The following ROBO2 variants were observed in gnomAD, a reference collection of about 807,000 sequenced individuals.
ROBO2 encodes the protein roundabout homolog 2.
In ROBO2, 53 loss-of-function variants were observed where a neutral mutation model predicts 160.8. The ratio of observed to expected loss-of-function variants is 0.33; its 90% CI spans 0.26 to 0.41. The LOEUF is 0.41. Ranked by LOEUF, ROBO2 falls within the 10% of genes least tolerant of loss-of-function variation. ROBO2 has a pLI of 1.00. For missense variants in ROBO2, 1,577 were observed against 1,722.4 expected (o/e 0.92, Z 1.49); for synonymous variants, 664 against 611.7 (o/e 1.09, Z -1.26).
At chr3:76,258,252 T>C in intron 2 of ROBO2, among the ~76,000 whole-genome samples, 1 of 152,176 alleles carries the variant, frequency 6.6e-6, no homozygotes, top group South Asian at 2.1e-4. Context: ...CTTTAATCTG[T>C]ATATTTGATA....
chr3:76,261,004 A>G (rs559705739), intron 2 of ROBO2, among the ~76,000 whole-genome samples: 2 of 152,150 alleles, frequency 1.3e-5, no homozygotes, highest in East Asian at 3.9e-4. Flanking sequence ...AATTTTTGCA[A>G]CGTACTGTAG....
At chr3:76,996,627 T>G (rs558035824) in intron 2 of ROBO2, among the ~76,000 whole-genome samples, 2 of 152,288 alleles carry the variant, frequency 1.3e-5, no homozygotes, top group African/African-American at 4.8e-5. Context: ...TTTTTTTCAT[T>G]GAGCAGTGGT....
intron 2 of ROBO2, among the ~76,000 whole-genome samples, chr3:77,143,820 T>C (rs187826222): frequency 3.2e-4 from 48 of 152,294 alleles, no homozygotes; most frequent in African/African-American, 9.9e-4. Flanking sequence ...TTTTTTCATA[T>C]TTTTTAGTAT....
At chr3:77,563,203 G>A in exon 11 of ROBO2, 1 of 1,613,438 alleles carries the variant, frequency 6.2e-7, no homozygotes, top group Non-Finnish European at 8.5e-7. Context: ...TATGATTTAA[G>A]TGACCTGCCA....
intron 2 of ROBO2, among the ~76,000 whole-genome samples, chr3:76,157,713 A>T (rs114076101): frequency 1.1e-3 from 174 of 151,998 alleles, no homozygotes; most frequent in African/African-American, 3.8e-3. Flanking sequence ...ACAGTGTTAT[A>T]AAAAAAAGCA....
At chr3:75,921,300 G>A (rs1300731765) in intron 1 of ROBO2, among the ~76,000 whole-genome samples, 1 of 151,066 alleles carries the variant, frequency 6.6e-6, no homozygotes, top group Non-Finnish European at 1.5e-5. Context: ...AGCTTAGTTT[G>A]GCTGGTTATG....
chr3:76,287,598 C>A (rs1307290839), intron 2 of ROBO2, among the ~76,000 whole-genome samples: 1 of 152,298 alleles, frequency 6.6e-6, no homozygotes, highest in East Asian at 1.9e-4. Flanking sequence ...CCGTGCCCGG[C>A]CCTTTTCTTA....
chr3:77,205,423 G>C (rs780021009), intron 2 of ROBO2, among the ~76,000 whole-genome samples: 5 of 151,874 alleles, frequency 3.3e-5, no homozygotes, highest in African/African-American at 1.2e-4. Flanking sequence ...CTGCCGTGCC[G>C]TTCTGCTGTT....
chr3:76,746,087 G>A (rs547636979), intron 2 of ROBO2, among the ~76,000 whole-genome samples: 14 of 149,116 alleles, frequency 9.4e-5, no homozygotes, highest in Non-Finnish European at 2.1e-4. Context: ...TACAGTGTTT[G>A]GTTTTTTGTT....
intron 2 of ROBO2, among the ~76,000 whole-genome samples, chr3:76,825,373 A>C (rs2066475534): frequency 6.6e-6 from 1 of 152,176 alleles, no homozygotes; most frequent in Non-Finnish European, 1.5e-5. Flanking sequence ...GAATGAGATG[A>C]AAAAAGTTTA....
chr3:77,317,157 C>A, intron 2 of ROBO2: 1 of 1,022,952 alleles, frequency 9.8e-7, no homozygotes, highest in Non-Finnish European at 1.6e-6. Context: ...TGGTACCCAG[C>A]CAGCCAGCCC....
chr3:77,098,287 C>T lies in ROBO2; in HGVS notation c.335C>T (p.Ala112Val), dbSNP rs780623744. Residue 112 changes from alanine to valine, a missense_variant, in exon 2 of 26, where the codon GCG (alanine) becomes GTG (valine). Physicochemically the swap from Ala to Val is moderately conservative, Grantham distance 64. This residue lies in a region of ROBO2 where 940 missense variants were observed against 1,135.5 expected (regional missense o/e 0.83). Transcript: ENST00000461745. Reference sequence around the variant, plus strand: ...GATGAAGGAAGCTACGTTTGTGTTGCGAGGAACTATCTTGGTGAAGCAGTG... The same window carrying T: ...GATGAAGGAAGCTACGTTTGTGTTGTGAGGAACTATCTTGGTGAAGCAGTG... 15 of 1,614,052 alleles carry T rather than the reference C, an allele frequency of 9.3e-6. No individual in the cohort carries two copies. The Admixed American group carries it at 1.8e-4, about 20-fold the overall frequency.
intron 2 of ROBO2, among the ~76,000 whole-genome samples, chr3:77,459,321 A>C (rs2082000006): frequency 6.6e-6 from 1 of 152,234 alleles, no homozygotes; most frequent in Admixed American, 6.5e-5. Flanking sequence ...AATTAGACCA[A>C]TATAAGGAAC....
intron 2 of ROBO2, among the ~76,000 whole-genome samples, chr3:76,897,989 A>G (rs956808283): frequency 3.3e-5 from 5 of 152,116 alleles, no homozygotes; most frequent in African/African-American, 9.7e-5. Context: ...TTTCTAAAGT[A>G]TATTTTCATG....
intron 2 of ROBO2, among the ~76,000 whole-genome samples, chr3:77,402,675 A>G (rs1037262497): frequency 6.6e-6 from 1 of 151,810 alleles, no homozygotes; most frequent in Admixed American, 6.6e-5. Context: ...CGTGTGTACA[A>G]CTCCAGTAAA....
At chr3:76,429,413 T>C (rs956234936) in intron 2 of ROBO2, among the ~76,000 whole-genome samples, 8 of 152,182 alleles carry the variant, frequency 5.3e-5, no homozygotes, top group Admixed American at 5.2e-4. Context: ...TTAGAACAAT[T>C]CCTAGTGCTA....
chr3:76,337,458 C>A (rs963301037), intron 2 of ROBO2, among the ~76,000 whole-genome samples: 5 of 152,100 alleles, frequency 3.3e-5, no homozygotes, highest in Non-Finnish European at 7.4e-5. Context: ...GAAAATTTAC[C>A]TTTGCTAACA....
chr3:76,905,167 T>G (rs1433858560), intron 2 of ROBO2, among the ~76,000 whole-genome samples: 1 of 152,116 alleles, frequency 6.6e-6, no homozygotes, highest in Admixed American at 6.6e-5. Flanking sequence ...ATTGAGAGAT[T>G]GATGTTTTAT....
chr3:75,969,193 A>G (rs182496714), intron 2 of ROBO2, among the ~76,000 whole-genome samples: 1 of 147,558 alleles, frequency 6.8e-6, no homozygotes, highest in African/African-American at 2.4e-5. Context: ...GATATATAAT[A>G]TATTATAACT....
Sources: gnomAD v4.1 joint callset for allele counts (sites outside exome capture counted in the v4.1 genomes callset) on GRCh38, gnomAD v4.1.1 for gene constraint, gnomAD v4.1.1 regional missense constraint, MANE v1.5 for transcripts, NCBI Gene and HGNC (gene_info 2026-07-23, HGNC 2026-07-21) for gene names.